Variants in PHEX observed in about 807,000 individuals in gnomAD.
The protein encoded by PHEX is phosphate-regulating neutral endopeptidase PHEX.
Under a neutral mutation model 68.0 loss-of-function variants are expected in PHEX, and 16 were observed. That is an observed-to-expected ratio of 0.24 (90% CI 0.16 to 0.36). The LOEUF is 0.36. Ranked by LOEUF, PHEX falls within the 10% of genes least tolerant of loss-of-function variation. PHEX has a pLI of 1.00. For missense variants in PHEX, 480 were observed against 575.5 expected (o/e 0.83, Z 1.70); for synonymous variants, 208 against 205.1 (o/e 1.01, Z -0.12).
chrX:22,083,523 C>G (rs777209920), intron 5 of PHEX, among the ~76,000 whole-genome samples: 1 of 111,695 alleles, frequency 9.0e-6, no homozygotes, highest in Non-Finnish European at 1.9e-5. Flanking sequence ...TTTTTTGTGT[C>G]CTTTTCAACT....
At chrX:22,121,976 A>G (rs1931506090) in intron 11 of PHEX, among the ~76,000 whole-genome samples, 1 of 111,954 alleles carries the variant, frequency 8.9e-6, no homozygotes, top group Non-Finnish European at 1.9e-5. Flanking sequence ...CAACCTCAAT[A>G]CACTAGAAGT....
At chrX:22,138,239 A>G (rs1410405877) in intron 12 of PHEX, among the ~76,000 whole-genome samples, 3 of 112,808 alleles carry the variant, frequency 2.7e-5, no homozygotes, top group African/African-American at 9.7e-5. Context: ...GTAAGGCAAC[A>G]GCACATTTCA....
chrX:22,170,894 G>A (rs1330127691), intron 13 of PHEX, among the ~76,000 whole-genome samples: 1 of 112,054 alleles, frequency 8.9e-6, no homozygotes, highest in Non-Finnish European at 1.9e-5. Flanking sequence ...TGTTTCTCTG[G>A]GGCCTGAACT....
intron 20 of PHEX, among the ~76,000 whole-genome samples, chrX:22,240,913 A>G (rs1345468284): frequency 2.7e-5 from 3 of 112,063 alleles, no homozygotes; most frequent in African/African-American, 9.7e-5. Context: ...GCTCTGGACC[A>G]AGTGGACCTA....
chrX:22,243,280 C>G (rs1388538925), intron 20 of PHEX, among the ~76,000 whole-genome samples: 1 of 111,935 alleles, frequency 8.9e-6, no homozygotes, highest in African/African-American at 3.3e-5. Context: ...AAAAAATCAA[C>G]TCAAGATGGA....
chrX:22,032,828 C>A lies in PHEX; in HGVS notation c.-178C>A. ...CCAATATTTTGGTTTTTATAATTTT[C>A]ATTTGTGAAGAATTATTTGAGAAAG... On this transcript the variant is annotated 5_prime_UTR_variant, in exon 1 of 22. Transcript: ENST00000379374. 2.1e-6 allele frequency: 1 copy of A among 483,223 alleles called. No individual in the cohort carries two copies. Among genetic ancestry groups the A allele is most frequent in the Non-Finnish European group, 3.7e-6 (1 of 271,427 alleles). The allele number at this position is 483,223 out of a possible 1,213,427, so 39.8% of individuals were successfully genotyped here.
chrX:22,213,355 C>A (rs957881878), intron 16 of PHEX, among the ~76,000 whole-genome samples: 1 of 111,099 alleles, frequency 9.0e-6, no homozygotes, highest in Non-Finnish European at 1.9e-5. Context: ...TTTGGCTAGC[C>A]CAAATGGTAT....
At position 22,090,580 on chromosome X, in the gene PHEX, G is replaced by A. The variant is rs773352589; in HGVS notation, c.732+83G>A. The A allele has an allele frequency of 5.1e-5, 33 of 643,659 alleles. No individual in the cohort carries two copies. The African/African-American group carries it at 6.9e-4, about 13-fold the overall frequency. The allele number at this position is 643,659 out of a possible 1,213,427, so 53.0% of individuals were successfully genotyped here. On this transcript the variant is annotated intron_variant, in intron 6 of 21. Transcript: ENST00000379374. Reference sequence around the variant, plus strand: ...TTCTAAGGCCGCTGCTTCTTTATTGGAAATGAGCAGTGTGGCTATTCAATG... The same window carrying A: ...TTCTAAGGCCGCTGCTTCTTTATTGAAAATGAGCAGTGTGGCTATTCAATG...
intron 9 of PHEX, among the ~76,000 whole-genome samples, chrX:22,108,076 A>G (rs971554925): frequency 9.0e-6 from 1 of 111,408 alleles, no homozygotes; most frequent in East Asian, 2.8e-4. Flanking sequence ...ATACTTGGCC[A>G]ACAATAAGTG....
chrX:22,128,119 C>T (rs965904248), intron 11 of PHEX, among the ~76,000 whole-genome samples: 2 of 111,549 alleles, frequency 1.8e-5, no homozygotes, highest in East Asian at 2.8e-4. Context: ...AGTGCTGTGG[C>T]GCGATCTTGG....
chrX:22,123,451 G>A (rs1486154410), intron 11 of PHEX, among the ~76,000 whole-genome samples: 1 of 111,311 alleles, frequency 9.0e-6, no homozygotes, highest in African/African-American at 3.3e-5. Context: ...TATGTAGAAG[G>A]CCTAGCATAA....
intron 3 of PHEX, among the ~76,000 whole-genome samples, chrX:22,067,562 AG>A (rs1378375965): frequency 2.7e-5 from 3 of 111,600 alleles, no homozygotes; most frequent in African/African-American, 9.8e-5. Flanking sequence ...ACAGGACAAA[AG>A]TTCCTTTTTT....
intron 11 of PHEX, among the ~76,000 whole-genome samples, chrX:22,124,742 A>AT (rs1931644053): frequency 8.9e-6 from 1 of 112,391 alleles, no homozygotes; most frequent in African/African-American, 3.2e-5. Context: ...ATAGAAATAT[A>AT]AATATCTACC....
intron 11 of PHEX, among the ~76,000 whole-genome samples, chrX:22,120,548 T>G (rs933854519): frequency 1.8e-5 from 2 of 112,200 alleles, no homozygotes; most frequent in African/African-American, 3.2e-5. Context: ...ATAAATATAG[T>G]GGAAACCTAA....
At chrX:22,041,568 C>T (rs1384424905) in intron 2 of PHEX, among the ~76,000 whole-genome samples, 2 of 109,645 alleles carry the variant, frequency 1.8e-5, no homozygotes, top group Non-Finnish European at 3.8e-5. Flanking sequence ...CTGAGAACTC[C>T]CAGGCCCTTT....
intron 12 of PHEX, among the ~76,000 whole-genome samples, chrX:22,158,805 C>T (rs186109285): frequency 6.1e-4 from 69 of 112,391 alleles, no homozygotes; most frequent in African/African-American, 2.1e-3. Flanking sequence ...TTGTAGTATA[C>T]AGTATTGAAA....
chrX:22,071,895 C>T (rs959579195), intron 3 of PHEX, among the ~76,000 whole-genome samples: 7 of 110,905 alleles, frequency 6.3e-5, no homozygotes, highest in Middle Eastern at 4.7e-3. Flanking sequence ...GTCAGGAGTT[C>T]GAGATCAGCC....
intron 11 of PHEX, among the ~76,000 whole-genome samples, chrX:22,129,579 C>T (rs903682514): frequency 9.0e-6 from 1 of 111,369 alleles, no homozygotes; most frequent in Admixed American, 9.6e-5. Context: ...TTTTAATCTT[C>T]TCTCCTCTCA....
intron 20 of PHEX, among the ~76,000 whole-genome samples, chrX:22,243,586 G>GA (rs1376299264): frequency 9.0e-6 from 1 of 111,558 alleles, no homozygotes; most frequent in East Asian, 2.8e-4. Context: ...AAATTTACAA[G>GA]AAAAAAACAA....
Sources: gnomAD v4.1 joint callset for allele counts (sites outside exome capture counted in the v4.1 genomes callset) on GRCh38, gnomAD v4.1.1 for gene constraint, MANE v1.5 for transcripts, NCBI Gene and HGNC (gene_info 2026-07-23, HGNC 2026-07-21) for gene names.